Variants in RASGRF1 observed in about 807,000 individuals in gnomAD.
RASGRF1 encodes Ras protein specific guanine nucleotide releasing factor 1.
Under a neutral mutation model 138.7 loss-of-function variants are expected in RASGRF1, and 40 were observed. That is an observed-to-expected ratio of 0.29 (90% CI 0.22 to 0.38). The LOEUF (loss-of-function observed/expected upper bound fraction) is 0.38, where lower values mean the gene tolerates loss of function less well. RASGRF1 is among the 10% of genes least tolerant of loss of function. The pLI is 1.00. For missense variants in RASGRF1, 1,108 were observed against 1,650.4 expected (o/e 0.67, Z 5.69); for synonymous variants, 614 against 663.2 (o/e 0.93, Z 1.14).
intron 24 of RASGRF1, chr15:78,978,907 G>C: frequency 1.6e-6 from 2 of 1,257,640 alleles, no homozygotes; most frequent in Non-Finnish European, 2.1e-6. Context: ...GGGAGCAGGG[G>C]AATGTGGGAG....
At position 78,988,416 on chromosome 15, in the gene RASGRF1, G is replaced by A. The variant is rs114866007; in HGVS notation, c.3216+1773C>T. On this transcript the variant is annotated intron_variant, in intron 22 of 26. Transcript: ENST00000558480. ...AGGCCTCTGTCAGGTTATGTTTCCC[G>A]AGGCTTGGTCTCTGTCCCTCTTTCT... is the stretch of plus-strand genomic sequence containing the variant. Among the ~76,000 whole-genome samples, 369 of 152,300 alleles carry A rather than the reference G, an allele frequency of 2.4e-3. 4 individuals carry two copies. Among genetic ancestry groups the A allele is most frequent in the African/African-American group, 8.3e-3 (345 of 41,560 alleles).
chr15:79,007,547 T>G (rs1253369602), intron 13 of RASGRF1, among the ~76,000 whole-genome samples: 4 of 17,602 alleles, frequency 2.3e-4, no homozygotes, highest in South Asian at 2.7e-3. Flanking sequence ...CGTATCTAGT[T>G]TTTTTTTTTT....
chr15:78,993,264 G>GT (rs1567468582), intron 20 of RASGRF1, among the ~76,000 whole-genome samples: 16 of 81,206 alleles, frequency 2.0e-4, no homozygotes, highest in South Asian at 7.6e-4. Flanking sequence ...TGTGTGGTGT[G>GT]GTGTGTGTGG....
intron 13 of RASGRF1, among the ~76,000 whole-genome samples, chr15:79,013,877 G>A (rs1450926584): frequency 3.3e-5 from 5 of 152,290 alleles, no homozygotes; most frequent in Admixed American, 2.0e-4. Flanking sequence ...CCTGGAGCCT[G>A]CGTTTTGGTT....
Position 78,973,572 on chromosome 15 carries a change from T to C in RASGRF1, c.3495-152A>G, listed in dbSNP as rs8030180. Reference sequence around the variant, plus strand: ...CACTACACTCTAGAACTGACTATTCTACACGCCCAGGACTGTCGGCTGGGT... The same window carrying C: ...CACTACACTCTAGAACTGACTATTCCACACGCCCAGGACTGTCGGCTGGGT... On this transcript the variant is annotated intron_variant, in intron 24 of 26. Coordinates refer to ENST00000558480, the MANE Select transcript of RASGRF1 (RefSeq NM_001145648.3). This position sits in a 1 kb window ranked among gnomAD's most constrained non-coding sequence, Gnocchi z 4.9. 1.7e-3 allele frequency: 1,001 copies of C among 599,594 alleles called. 8 individuals are homozygous for C. The African/African-American group carries it at 0.017, about 10-fold the overall frequency. 37.1% of individuals were successfully genotyped at this position (599,594 alleles called of 1,614,324 possible).
In RASGRF1 at chr15:79,006,043, G is replaced by T; in HGVS notation, c.2075+143C>A. ...GTTCCTGGGGAGAGGGGGCAGTGGC[G>T]GTGTGTGTCCCGCAGCACCCCAACA... On this transcript the variant is annotated intron_variant, in intron 14 of 26. Transcript: ENST00000558480. The surrounding 1 kb of genome is among the most constrained non-coding windows in gnomAD (Gnocchi z 4.0). 8.2e-7 allele frequency: 1 copy of T among 1,218,862 alleles called. No individual in the cohort carries two copies. The highest frequency in any genetic ancestry group is 1.1e-6 in the Non-Finnish European group (1 of 879,192). 75.5% of individuals were successfully genotyped at this position (1,218,862 alleles called of 1,614,324 possible).
chr15:79,023,667 C>T lies in RASGRF1; in HGVS notation c.1542+1647G>A, dbSNP rs150632281. Among the ~76,000 whole-genome samples the T allele has an allele frequency of 6.6e-5, 10 of 152,274 alleles. No individual in the cohort carries two copies. The East Asian group carries it at 1.9e-3, about 29-fold the overall frequency. ...GGGGGTCTGAGATGCTCATTCCCTCCCCCTTTAGGGATGAGCTGGTTAGCT... is the reference window on the plus strand; with the variant it reads ...GGGGGTCTGAGATGCTCATTCCCTCTCCCTTTAGGGATGAGCTGGTTAGCT... On this transcript the variant is annotated intron_variant, in intron 10 of 26. Coordinates refer to ENST00000558480, the MANE Select transcript of RASGRF1 (RefSeq NM_001145648.3).
chr15:79,023,900 TCACACACACCACACACAGACACAGA>T (rs1332462356), intron 10 of RASGRF1, among the ~76,000 whole-genome samples: 2 of 151,732 alleles, frequency 1.3e-5, no homozygotes, highest in Admixed American at 6.6e-5. Flanking sequence ...ACCCTGCCCT[TCACACACACCACACACAGACACAGA>T]CACACACACC....
rs1283975315 is a variant in RASGRF1 at position 78,978,216 on chromosome 15, TTTTG to T, written c.3494+2400_3494+2403del. 3.1e-3 allele frequency among the ~76,000 whole-genome samples: 195 copies of T among 62,234 alleles called. 1 individual carries two copies. The highest frequency in any genetic ancestry group is 0.01 in the African/African-American group (175 of 16,824). 40.8% of individuals were successfully genotyped at this position (62,234 alleles called of 152,430 possible). On this transcript the variant is annotated intron_variant, in intron 24 of 26. Coordinates refer to ENST00000558480, the MANE Select transcript of RASGRF1 (RefSeq NM_001145648.3). ...TTTTCTTCTTTTTCTTTTTCTTTTCTTTTGTTTTTTTTTTTTTTTTTTTTTTTTG... is the reference window on the plus strand; with the variant it reads ...TTTTCTTCTTTTTCTTTTTCTTTTCTTTTTTTTTTTTTTTTTTTTTTTTTG...
rs1046703147 is a variant in RASGRF1 at position 79,067,964 on chromosome 15, A to G, written c.277-3438T>C. On this transcript the variant is annotated intron_variant, in intron 1 of 26. Coordinates refer to ENST00000558480, the MANE Select transcript of RASGRF1 (RefSeq NM_001145648.3). ...GAGCTTAGAGAGGTGAAAGGGACTC[A>G]GTGAGAATGTCAGATTTCCAAACCT... 3.9e-5 allele frequency among the ~76,000 whole-genome samples: 6 copies of G among 152,312 alleles called. No individual in the cohort carries two copies. The South Asian group carries it at 1.0e-3, about 26-fold the overall frequency.
chr15:79,029,065 G>C (rs1287279409), intron 8 of RASGRF1, among the ~76,000 whole-genome samples: 2 of 152,234 alleles, frequency 1.3e-5, no homozygotes, highest in African/African-American at 4.8e-5. Flanking sequence ...GATTGTTGTT[G>C]CTATTATCAT....
intron 2 of RASGRF1, among the ~76,000 whole-genome samples, chr15:79,061,720 A>G (rs1483560365): frequency 6.6e-6 from 1 of 152,106 alleles, no homozygotes; most frequent in East Asian, 1.9e-4. Flanking sequence ...ATTGATTTTG[A>G]GATTCTTCCA....
chr15:79,085,239 T>G (rs1166010773), intron 1 of RASGRF1, among the ~76,000 whole-genome samples: 1 of 152,092 alleles, frequency 6.6e-6, no homozygotes, highest in Non-Finnish European at 1.5e-5. Context: ...AAGGGCATGG[T>G]TGGTGGGAGA....
chr15:78,973,268 G>A lies in RASGRF1; in HGVS notation c.3612+35C>T, dbSNP rs147371916. On this transcript the variant is annotated intron_variant, in intron 25 of 26. Transcript: ENST00000558480. The surrounding 1 kb of genome is among the most constrained non-coding windows in gnomAD (Gnocchi z 4.9). ...CAGGTTGAGTCATCTGGGCTTCAACGCCCCCCTTCCCCTGCCTGGCTGGGG... is the reference window on the plus strand; with the variant it reads ...CAGGTTGAGTCATCTGGGCTTCAACACCCCCCTTCCCCTGCCTGGCTGGGG... 2.5e-4 allele frequency: 386 copies of A among 1,513,764 alleles called. No homozygotes were observed. In the African/African-American group the frequency reaches 4.3e-3, roughly 17 times the overall value. The allele number at this position is 1,513,764 out of a possible 1,614,324, so 93.8% of individuals were successfully genotyped here. A position where few individuals can be genotyped will look rare whatever the true frequency, so the allele number is the denominator to read the frequency against.
chr15:78,978,226 T>TG (rs2055920692), intron 24 of RASGRF1, among the ~76,000 whole-genome samples: 1 of 31,802 alleles, frequency 3.1e-5, no homozygotes, highest in African/African-American at 5.1e-5. Context: ...TTTTGTTTTT[T>TG]TTTTTTTTTT....
At chr15:79,005,629 T>G (rs972345915) in intron 14 of RASGRF1, 1 of 990,728 alleles carries the variant, frequency 1.0e-6, no homozygotes, top group Non-Finnish European at 1.2e-6. Context: ...CTGCACTCCT[T>G]ATGTTGACTC....
chr15:79,021,982 C>A (rs2870091), intron 10 of RASGRF1, among the ~76,000 whole-genome samples: 1 of 152,168 alleles, frequency 6.6e-6, no homozygotes, highest in Non-Finnish European at 1.5e-5. Flanking sequence ...CTCCTCACAG[C>A]ACTCCTGTAA....
intron 1 of RASGRF1, among the ~76,000 whole-genome samples, chr15:79,084,509 A>C (rs1441849153): frequency 6.6e-6 from 1 of 152,202 alleles, no homozygotes; most frequent in African/African-American, 2.4e-5. Flanking sequence ...TGGCAGCCAC[A>C]TCACTTCATT....
chr15:79,013,580 C>T (rs1218282820), intron 13 of RASGRF1, among the ~76,000 whole-genome samples: 9 of 152,354 alleles, frequency 5.9e-5, no homozygotes, highest in Non-Finnish European at 2.9e-5. Context: ...CTGGGTTACC[C>T]AGATGATTGT....
Sources: allele counts gnomAD v4.1 joint callset (sites outside exome capture counted in the v4.1 genomes callset), GRCh38; gene constraint gnomAD v4.1.1; non-coding constraint Gnocchi (gnomAD v3.1); transcripts MANE v1.5; gene names NCBI Gene and HGNC (gene_info 2026-07-23, HGNC 2026-07-21).